The following RPS6KA6 variants were observed in gnomAD, a reference collection of about 807,000 sequenced individuals.
The protein encoded by RPS6KA6 is ribosomal protein S6 kinase alpha-6.
Under a neutral mutation model 65.4 loss-of-function variants are expected in RPS6KA6, and 27 were observed. The ratio of observed to expected loss-of-function variants is 0.41; its 90% CI spans 0.30 to 0.57. RPS6KA6 has a LOEUF of 0.57. RPS6KA6 is among the 20% of genes least tolerant of loss of function. RPS6KA6 has a pLI of 0.24. For synonymous variants in RPS6KA6, 190 were observed against 184.2 expected, an observed-to-expected ratio of 1.03 and a Z score of -0.26; for missense variants, 486 against 555.6, an observed-to-expected ratio of 0.87 and a Z score of 1.26.
chrX:84,090,508 G>A (rs1227732782), intron 20 of RPS6KA6, among the ~76,000 whole-genome samples: 1 of 87,695 alleles, frequency 1.1e-5, no homozygotes, highest in African/African-American at 3.4e-5. Context: ...CCAAGACTGG[G>A]AAATGTATAA....
intron 17 of RPS6KA6, 73 bp downstream of exon 17, chrX:84,104,426 G>A: frequency 1.5e-6 from 1 of 646,826 alleles, no homozygotes; most frequent in South Asian, 6.5e-5. Flanking sequence ...CTTATTTTAG[G>A]TGGCATCATC....
At chrX:84,161,318 C>T (rs1412335688) in intron 2 of RPS6KA6, among the ~76,000 whole-genome samples, 2 of 111,574 alleles carry the variant, frequency 1.8e-5, no homozygotes, top group Non-Finnish European at 3.8e-5. Flanking sequence ...GAGTCAGATA[C>T]TCTCTGTAGT....
At chrX:84,183,618 C>T (rs2035888532) in intron 1 of RPS6KA6, among the ~76,000 whole-genome samples, 1 of 111,819 alleles carries the variant, frequency 8.9e-6, no homozygotes, top group Non-Finnish European at 1.9e-5. Flanking sequence ...TCCCCTCTCC[C>T]ACATCACAGA....
At chrX:84,148,881 G>A (rs1410819935) in intron 3 of RPS6KA6, among the ~76,000 whole-genome samples, 1 of 111,035 alleles carries the variant, frequency 9.0e-6, no homozygotes, top group Non-Finnish European at 1.9e-5. Context: ...AGACAATGAT[G>A]AAGTTTGTTG....
chrX:84,153,539 T>C (rs918845103), intron 3 of RPS6KA6, among the ~76,000 whole-genome samples: 12 of 111,638 alleles, frequency 1.1e-4, no homozygotes, highest in African/African-American at 3.6e-4. Flanking sequence ...TTTAGCAGGG[T>C]TCCCCCACTG....
intron 1 of RPS6KA6, among the ~76,000 whole-genome samples, chrX:84,170,475 C>CA (rs1271004912): frequency 9.2e-6 from 1 of 108,957 alleles, no homozygotes; most frequent in African/African-American, 3.3e-5. Context: ...ACTAAAAATA[C>CA]AAAAATTAGC....
At position 84,104,588 on chromosome X, in the gene RPS6KA6, T is replaced by C; in HGVS notation, c.1525A>G (p.Ile509Val). 1.7e-6 allele frequency: 2 copies of C among 1,182,977 alleles called. No homozygotes were observed. The highest frequency in any genetic ancestry group is 2.3e-6 in the Non-Finnish European group (2 of 875,855). ...LMKGGELLDRILKQKCFSERE... is the reference protein window; with the variant it reads ...LMKGGELLDRVLKQKCFSERE... ...TCCGAGAAACATTTTTGTTTGAGAATACGGTCAAGTAACTCTCCTCCTTTC... is the reference window on the plus strand; with the variant it reads ...TCCGAGAAACATTTTTGTTTGAGAACACGGTCAAGTAACTCTCCTCCTTTC... The change falls in exon 17 of 22, where the codon ATT becomes GTT. Residue 509 changes from isoleucine (I) to valine (V), a missense_variant. Ile to Val is a conservative substitution (Grantham distance 29). Around this residue, in one of 3 missense-constraint regions of RPS6KA6, gnomAD observed 345 missense variants for 375.0 expected, o/e 0.92. Coordinates refer to ENST00000262752, the MANE Select transcript of RPS6KA6 (RefSeq NM_014496.5).
intron 1 of RPS6KA6, among the ~76,000 whole-genome samples, chrX:84,168,819 C>T (rs866225792): frequency 2.7e-5 from 3 of 111,361 alleles, no homozygotes; most frequent in South Asian, 3.7e-4. Flanking sequence ...TCAAGAAGAT[C>T]ACTCTATCCT....
chrX:84,174,154 T>G (rs1490930938), intron 1 of RPS6KA6, among the ~76,000 whole-genome samples: 3 of 112,023 alleles, frequency 2.7e-5, no homozygotes, highest in African/African-American at 9.7e-5. Context: ...CCAAATATTT[T>G]CAAAGGTTTA....
rs1428555988 is a variant in RPS6KA6, at chrX:84,080,106, C to T, written c.1972-14995G>A. 3.7e-5 allele frequency among the ~76,000 whole-genome samples: 4 copies of T among 108,977 alleles called. No individual in the cohort carries two copies. In the East Asian group the frequency reaches 1.2e-3, roughly 33 times the overall value. 94.6% of individuals were successfully genotyped at this position (108,977 alleles called of 115,157 possible). A position where few individuals can be genotyped will look rare whatever the true frequency, so the allele number is the denominator to read the frequency against. Reference sequence around the variant, plus strand: ...GCTGGCATCTGGCAGGTGCCCCTAACACCTCATACAGGAGAGCTCTGGCTG... The same window carrying T: ...GCTGGCATCTGGCAGGTGCCCCTAATACCTCATACAGGAGAGCTCTGGCTG... On this transcript the variant is annotated intron_variant, in intron 20 of 21. Transcript: ENST00000262752.
At chrX:84,178,798 A>C in intron 1 of RPS6KA6, among the ~76,000 whole-genome samples, 1 of 111,494 alleles carries the variant, frequency 9.0e-6, no homozygotes, top group Middle Eastern at 4.6e-3. Context: ...TCAAAGACCT[A>C]AATTAAGAAA....
upstream of RPS6KA6, among the ~76,000 whole-genome samples, chrX:84,188,404 G>C: frequency 9.1e-6 from 1 of 109,571 alleles, no homozygotes; most frequent in East Asian, 2.9e-4. Context: ...CGCGTGGTGG[G>C]TGGTGGGATA....
rs943629789 is a variant in RPS6KA6, at chrX:84,063,035, G to C, written c.*1242C>G. Reference sequence around the variant, plus strand: ...TGATTCTTTAGCATTTCATCATTTAGAGAAAAGAATACATACTACACAGTG... The same window carrying C: ...TGATTCTTTAGCATTTCATCATTTACAGAAAAGAATACATACTACACAGTG... On this transcript the variant is annotated 3_prime_UTR_variant, in exon 22 of 22. Coordinates refer to ENST00000262752, the MANE Select transcript of RPS6KA6 (RefSeq NM_014496.5). 6.3e-5 allele frequency: 7 copies of C among 110,630 alleles called. No individual in the cohort carries two copies. Among genetic ancestry groups the C allele is most frequent in the Non-Finnish European group, 1.3e-4 (7 of 52,843 alleles). 9.1% of individuals were successfully genotyped at this position (110,630 alleles called of 1,213,427 possible).
At chrX:84,080,722 T>C (rs1340271674) in intron 20 of RPS6KA6, among the ~76,000 whole-genome samples, 1 of 108,763 alleles carries the variant, frequency 9.2e-6, no homozygotes, top group African/African-American at 3.4e-5. Context: ...ACCACATAAT[T>C]GAAAGTAAAA....
intron 20 of RPS6KA6, among the ~76,000 whole-genome samples, chrX:84,067,420 G>C (rs911667243): frequency 4.5e-5 from 5 of 111,747 alleles, no homozygotes; most frequent in Non-Finnish European, 9.4e-5. Flanking sequence ...AACCAGTTTA[G>C]AGAGGAACAT....
chrX:84,155,384 C>T (rs1488879703), intron 3 of RPS6KA6, among the ~76,000 whole-genome samples: 1 of 111,319 alleles, frequency 9.0e-6, no homozygotes, highest in Non-Finnish European at 1.9e-5. Context: ...TTTCTAAAGG[C>T]TGTTACTATG....
chrX:84,063,172 T>TA lies in RPS6KA6; in HGVS notation c.*1104dup, dbSNP rs984936056. On this transcript the variant is annotated 3_prime_UTR_variant, in exon 22 of 22. Coordinates refer to ENST00000262752, the MANE Select transcript of RPS6KA6 (RefSeq NM_014496.5). Reference sequence around the variant, plus strand: ...TTAATATTATTCATATTTAAAATGTTAGTTTATCTTCATGAAGTAAAATGA... The same window carrying TA: ...TTAATATTATTCATATTTAAAATGTTAAGTTTATCTTCATGAAGTAAAATGA... 1.8e-5 allele frequency: 2 copies of TA among 111,672 alleles called. No individual in the cohort carries two copies. The highest frequency in any genetic ancestry group is 6.5e-5 in the African/African-American group (2 of 30,844). The allele number at this position is 111,672 out of a possible 1,213,427, so 9.2% of individuals were successfully genotyped here. A position where few individuals can be genotyped will look rare whatever the true frequency, so the allele number is the denominator to read the frequency against.
intron 18 of RPS6KA6, among the ~76,000 whole-genome samples, chrX:84,099,236 G>A (rs966540152): frequency 2.7e-5 from 3 of 110,878 alleles, no homozygotes; most frequent in African/African-American, 9.8e-5. Context: ...TGCTTAATTA[G>A]GGCCAAACAT....
At chrX:84,129,423 G>A (rs185957342) in intron 8 of RPS6KA6, among the ~76,000 whole-genome samples, 10 of 111,305 alleles carry the variant, frequency 9.0e-5, no homozygotes, top group African/African-American at 3.3e-4. Context: ...AACCACTATG[G>A]AGAACAGTTT....
Sources: allele counts gnomAD v4.1 joint callset (sites outside exome capture counted in the v4.1 genomes callset), GRCh38; gene constraint gnomAD v4.1.1; regional missense constraint gnomAD v4.1.1; transcripts MANE v1.5; gene names NCBI Gene and HGNC (gene_info 2026-07-23, HGNC 2026-07-21).